ZBTB16: variants seen among roughly 807,000 people sequenced by gnomAD.
ZBTB16 encodes zinc finger and BTB domain-containing protein 16.
In ZBTB16, 8 loss-of-function variants were observed where a neutral mutation model predicts 56.8. The observed-to-expected ratio is 0.14, with a 90% CI of 0.08 to 0.25. ZBTB16 has a LOEUF of 0.25. Ranked by LOEUF, ZBTB16 falls within the 10% of genes least tolerant of loss-of-function variation. The pLI, the probability that ZBTB16 is intolerant of heterozygous loss-of-function variation, is 1.00. For missense variants in ZBTB16, 625 were observed against 903.0 expected (o/e 0.69, Z 3.95); for synonymous variants, 363 against 368.5 (o/e 0.98, Z 0.17).
chr11:114,076,738 T>G (rs1591642660), intron 2 of ZBTB16, among the ~76,000 whole-genome samples: 1 of 151,196 alleles, frequency 6.6e-6, no homozygotes, highest in Non-Finnish European at 1.5e-5. Flanking sequence ...TGAAGTTCAG[T>G]GTGGAAAACC....
intron 2 of ZBTB16, among the ~76,000 whole-genome samples, chr11:114,112,256 C>T (rs900930557): frequency 6.6e-6 from 1 of 152,114 alleles, no homozygotes; most frequent in African/African-American, 2.4e-5. Context: ...ATTTGTCCTA[C>T]AGTTTTGATT....
chr11:114,189,979 G>A (rs1383763919), intron 4 of ZBTB16, among the ~76,000 whole-genome samples: 2 of 152,060 alleles, frequency 1.3e-5, no homozygotes, highest in African/African-American at 4.8e-5. Flanking sequence ...TTCATACCAT[G>A]GTATACTATT....
At chr11:114,234,377 A>T (rs534074588) in intron 4 of ZBTB16, among the ~76,000 whole-genome samples, 3 of 152,348 alleles carry the variant, frequency 2.0e-5, no homozygotes, top group African/African-American at 7.2e-5. Context: ...GTTTGAGACA[A>T]GTCTTCCAAG....
At position 114,256,029 on chromosome 11, in the gene ZBTB16, T is replaced by TG. The variant is rs889617080; in HGVS notation, c.*5474_*5475insG. Among the ~76,000 whole-genome samples the TG allele has an allele frequency of 1.0e-4, 12 of 119,476 alleles. No homozygotes were observed. The highest frequency in any genetic ancestry group is 3.0e-4 in the South Asian group (1 of 3,386). 78.4% of individuals were successfully genotyped at this position (119,476 alleles called of 152,430 possible). A position where few individuals can be genotyped will look rare whatever the true frequency, so the allele number is the denominator to read the frequency against. ...AGTACTTGGTTTTGTTTTGTTTTTTTTTTTTGTTTTTTTTGCCTTTTCTTG... is the reference window on the plus strand; with the variant it reads ...AGTACTTGGTTTTGTTTTGTTTTTTTGTTTTTGTTTTTTTTGCCTTTTCTTG... On this transcript the variant is annotated 3_prime_UTR_variant, in exon 7 of 7. Transcript: ENST00000335953.
intron 4 of ZBTB16, among the ~76,000 whole-genome samples, chr11:114,232,866 A>G (rs1252624958): frequency 6.6e-6 from 1 of 151,930 alleles, no homozygotes; most frequent in Non-Finnish European, 1.5e-5. Flanking sequence ...CTTACTGCTG[A>G]TTTATACGGG....
intron 4 of ZBTB16, among the ~76,000 whole-genome samples, chr11:114,237,663 T>C (rs1944619725): frequency 6.6e-6 from 1 of 152,210 alleles, no homozygotes; most frequent in Non-Finnish European, 1.5e-5. Flanking sequence ...TTGCTTAATC[T>C]CCCAGTGTAA....
intron 4 of ZBTB16, among the ~76,000 whole-genome samples, chr11:114,195,733 T>G (rs944884952): frequency 6.6e-6 from 1 of 152,126 alleles, no homozygotes; most frequent in Non-Finnish European, 1.5e-5. Context: ...ATGGAGTAAG[T>G]GCTCAGGAAA....
chr11:114,196,752 G>A (rs1303802357), intron 4 of ZBTB16, among the ~76,000 whole-genome samples: 1 of 152,170 alleles, frequency 6.6e-6, no homozygotes, highest in African/African-American at 2.4e-5. Context: ...GAGCATGTAG[G>A]TTGAACTTGC....
intron 4 of ZBTB16, among the ~76,000 whole-genome samples, chr11:114,212,476 A>G (rs768759676): frequency 6.6e-6 from 1 of 152,126 alleles, no homozygotes; most frequent in African/African-American, 2.4e-5. Flanking sequence ...TAGCCACACA[A>G]ATTTAGAAAG....
At chr11:114,184,934 G>A (rs1182284365) in intron 3 of ZBTB16, among the ~76,000 whole-genome samples, 1 of 152,166 alleles carries the variant, frequency 6.6e-6, no homozygotes, top group South Asian at 2.1e-4. Flanking sequence ...AGCACTTTGG[G>A]AGACCAAGGT....
At chr11:114,134,582 C>T (rs533216444) in intron 2 of ZBTB16, among the ~76,000 whole-genome samples, 1 of 152,292 alleles carries the variant, frequency 6.6e-6, no homozygotes, top group South Asian at 2.1e-4. Flanking sequence ...ACTGACCACA[C>T]AGTTGAAATT....
At chr11:114,111,460 G>A (rs1021628821) in intron 2 of ZBTB16, among the ~76,000 whole-genome samples, 1 of 152,128 alleles carries the variant, frequency 6.6e-6, no homozygotes, top group Non-Finnish European at 1.5e-5. Flanking sequence ...GCCTAGCGCT[G>A]CGAACCACAA....
chr11:114,248,616 C>T (rs530159532), intron 6 of ZBTB16, among the ~76,000 whole-genome samples: 301 of 152,270 alleles, frequency 2.0e-3, no homozygotes, highest in South Asian at 4.8e-3. Context: ...TGGCTTCAGG[C>T]AGGTCCTGCT....
intron 2 of ZBTB16, among the ~76,000 whole-genome samples, chr11:114,086,357 C>G (rs1000564146): frequency 6.6e-5 from 10 of 152,054 alleles, no homozygotes; most frequent in African/African-American, 2.2e-4. Flanking sequence ...TTCAAGACCT[C>G]CTCAAGTCAG....
intron 2 of ZBTB16, among the ~76,000 whole-genome samples, chr11:114,068,060 CAAAA>C (rs4020463): frequency 2.7e-5 from 3 of 111,320 alleles, no homozygotes; most frequent in East Asian, 2.6e-4. Context: ...AAAGCCAAGA[CAAAA>C]AAAAAAAAAA....
At chr11:114,223,137 C>T (rs1166244169) in intron 4 of ZBTB16, among the ~76,000 whole-genome samples, 1 of 152,208 alleles carries the variant, frequency 6.6e-6, no homozygotes, top group Non-Finnish European at 1.5e-5. Context: ...AGCCGTTCTG[C>T]AGGCCTCTCT....
chr11:114,127,095 C>T (rs1941529083), intron 2 of ZBTB16, among the ~76,000 whole-genome samples: 1 of 152,114 alleles, frequency 6.6e-6, no homozygotes, highest in Non-Finnish European at 1.5e-5. Flanking sequence ...CCCCCTTGCC[C>T]CCCAACTCCA....
In ZBTB16 at chr11:114,233,446, G is replaced by C. The variant is rs559088600; in HGVS notation, c.1454-8721G>C. Among the ~76,000 whole-genome samples, 443 of 152,050 alleles carry C rather than the reference G, an allele frequency of 2.9e-3. 2 individuals are homozygous for C. Among genetic ancestry groups the C allele is most frequent in the African/African-American group, 0.01 (420 of 41,458 alleles). On this transcript the variant is annotated intron_variant, in intron 4 of 6. Transcript: ENST00000335953. Reference sequence around the variant, plus strand: ...GATTTGGCTTCTTGCAACTTAACATGCCCCCTTCCTGCCAGAGGCCCCTGC... The same window carrying C: ...GATTTGGCTTCTTGCAACTTAACATCCCCCCTTCCTGCCAGAGGCCCCTGC...
At chr11:114,229,246 A>G (rs992625425) in intron 4 of ZBTB16, among the ~76,000 whole-genome samples, 2 of 152,194 alleles carry the variant, frequency 1.3e-5, no homozygotes. Context: ...CAGTAGCCCA[A>G]CTCGAATGCC....
Sources: allele counts gnomAD v4.1 joint callset (sites outside exome capture counted in the v4.1 genomes callset), GRCh38; gene constraint gnomAD v4.1.1; transcripts MANE v1.5; gene names NCBI Gene and HGNC (gene_info 2026-07-23, HGNC 2026-07-21).